Variants in PRKD1 observed in about 807,000 individuals in gnomAD.
PRKD1 encodes the protein serine/threonine-protein kinase D1.
Under a neutral mutation model 95.9 loss-of-function variants are expected in PRKD1, and 63 were observed. That is an observed-to-expected ratio of 0.66 (90% CI 0.54 to 0.81). The LOEUF is 0.81. Ranked by LOEUF, PRKD1 falls within the 30% of genes least tolerant of loss-of-function variation. The probability of loss-of-function intolerance (pLI) is 0.00; values close to 1 mark genes in which losing one functional copy is unlikely to be tolerated. For synonymous variants in PRKD1, 425 were observed against 423.1 expected (o/e 1.00, Z -0.05); for missense variants, 1,048 against 1,165.3 (o/e 0.90, Z 1.47).
At chr14:29,635,751 C>A (rs914728025) in intron 7 of PRKD1, among the ~76,000 whole-genome samples, 17 of 152,146 alleles carry the variant, frequency 1.1e-4, no homozygotes, top group Admixed American at 2.0e-4. Context: ...GGGCAGCAGT[C>A]CAATTTGCTC....
chr14:29,663,604 T>C, intron 4 of PRKD1, 95 bp downstream of exon 4: 1 of 1,402,472 alleles, frequency 7.1e-7, no homozygotes, highest in East Asian at 2.3e-5. Flanking sequence ...GGCTGCATTC[T>C]CCCTCCTAGC....
chr14:29,717,596 GCATAA>G (rs1280256495), intron 2 of PRKD1, among the ~76,000 whole-genome samples: 1 of 151,984 alleles, frequency 6.6e-6, no homozygotes, highest in South Asian at 2.1e-4. Flanking sequence ...TTGGAACAGT[GCATAA>G]CATATCATAA....
chr14:29,816,130 G>A (rs566619929), intron 1 of PRKD1, among the ~76,000 whole-genome samples: 2 of 152,234 alleles, frequency 1.3e-5, no homozygotes, highest in South Asian at 2.1e-4. Context: ...AGGCAGAAGA[G>A]TCACTTGAAC....
chr14:29,877,863 A>T (rs966876119), intron 1 of PRKD1, among the ~76,000 whole-genome samples: 1 of 152,238 alleles, frequency 6.6e-6, no homozygotes, highest in Non-Finnish European at 1.5e-5. Context: ...TGTTCACTGC[A>T]GCACTATACA....
chr14:29,723,714 C>T (rs557853840), intron 2 of PRKD1, among the ~76,000 whole-genome samples: 47 of 151,128 alleles, frequency 3.1e-4, no homozygotes, highest in Non-Finnish European at 5.7e-4. Flanking sequence ...ACTAACTGAA[C>T]AATTTAAAGG....
chr14:29,809,210 G>A lies in PRKD1; in HGVS notation c.265-83536C>T, dbSNP rs184244128. On this transcript the variant is annotated intron_variant, in intron 1 of 17. Coordinates refer to ENST00000331968, the MANE Select transcript of PRKD1 (RefSeq NM_002742.3). ...AAACCATGCTGCAAACAGATGTGCT[G>A]TCACACAGGTTTTATTCCATTTATG... Among the ~76,000 whole-genome samples the A allele has an allele frequency of 3.0e-3, 450 of 152,346 alleles. 2 individuals are homozygous for A. Among genetic ancestry groups the A allele is most frequent in the African/African-American group, 0.01 (418 of 41,590 alleles).
intron 4 of PRKD1, among the ~76,000 whole-genome samples, chr14:29,653,143 A>G (rs1881615279): frequency 1.3e-5 from 2 of 152,208 alleles, no homozygotes; most frequent in Admixed American, 1.3e-4. Flanking sequence ...ATAGCAGTTT[A>G]TGGCCAATTG....
At position 29,634,658 on chromosome 14, in the gene PRKD1, T is replaced by C. The variant is rs1594381578; in HGVS notation, c.1191-117A>G. On this transcript the variant is annotated intron_variant, in intron 7 of 17. Transcript: ENST00000331968. ...GAAACTTTACAAAATTCACATCTCA[T>C]GTTTAGTAAAACGTATTGTCAGGCA... is the stretch of plus-strand genomic sequence containing the variant. 8.1e-6 allele frequency: 11 copies of C among 1,357,182 alleles called. No individual in the cohort carries two copies. In the South Asian group the frequency reaches 1.4e-4, roughly 17 times the overall value. 84.1% of individuals were successfully genotyped at this position (1,357,182 alleles called of 1,614,324 possible).
intron 1 of PRKD1, among the ~76,000 whole-genome samples, chr14:29,907,596 T>C (rs1286377282): frequency 6.6e-6 from 1 of 152,220 alleles, no homozygotes; most frequent in East Asian, 1.9e-4. Flanking sequence ...TGAAACTTTT[T>C]GTATAAACCA....
intron 2 of PRKD1, among the ~76,000 whole-genome samples, chr14:29,671,150 T>A (rs1021511118): frequency 2.0e-5 from 3 of 151,858 alleles, no homozygotes; most frequent in African/African-American, 7.3e-5. Context: ...AAGTTTGTGG[T>A]TAGAGATTAA....
At chr14:29,927,076 C>G (rs1045861419) in intron 1 of PRKD1, among the ~76,000 whole-genome samples, 173 bp downstream of exon 1, 2 of 151,960 alleles carry the variant, frequency 1.3e-5, no homozygotes, top group Admixed American at 6.5e-5. Flanking sequence ...GCGAGCGCAG[C>G]GCCTCGGGTT....
At chr14:29,895,764 G>A (rs563409329) in intron 1 of PRKD1, among the ~76,000 whole-genome samples, 8 of 152,122 alleles carry the variant, frequency 5.3e-5, no homozygotes, top group Middle Eastern at 3.4e-3. Context: ...ATGTCCACAC[G>A]GCTGCTCCTT....
intron 1 of PRKD1, among the ~76,000 whole-genome samples, chr14:29,874,091 A>G (rs1269773417): frequency 6.6e-6 from 1 of 152,198 alleles, no homozygotes; most frequent in African/African-American, 2.4e-5. Context: ...GGTTGTATAC[A>G]CAGTAAAAGA....
At chr14:29,916,789 T>C (rs907811587) in intron 1 of PRKD1, among the ~76,000 whole-genome samples, 1 of 152,122 alleles carries the variant, frequency 6.6e-6, no homozygotes, top group East Asian at 1.9e-4. Flanking sequence ...GGCTAAGAAA[T>C]AGTATCAAGT....
At chr14:29,730,137 C>T (rs1886360404) in intron 1 of PRKD1, among the ~76,000 whole-genome samples, 3 of 151,822 alleles carry the variant, frequency 2.0e-5, no homozygotes, top group Non-Finnish European at 4.4e-5. Flanking sequence ...ACAAATAATC[C>T]AATTAAGAAA....
At chr14:29,647,296 T>C (rs1324543069) in intron 4 of PRKD1, among the ~76,000 whole-genome samples, 1 of 152,184 alleles carries the variant, frequency 6.6e-6, no homozygotes, top group Non-Finnish European at 1.5e-5. Flanking sequence ...TATTTTCAAG[T>C]AAACCAAAAT....
chr14:29,760,606 G>A (rs1887934708), intron 1 of PRKD1, among the ~76,000 whole-genome samples: 1 of 148,686 alleles, frequency 6.7e-6, no homozygotes, highest in African/African-American at 2.6e-5. Context: ...GCCTGCCTCG[G>A]CCTCCCAAAG....
intron 1 of PRKD1, among the ~76,000 whole-genome samples, chr14:29,818,428 C>G (rs1890776995): frequency 6.6e-6 from 1 of 152,114 alleles, no homozygotes; most frequent in Non-Finnish European, 1.5e-5. Flanking sequence ...TTAATACCTT[C>G]AGGTTTTCAT....
chr14:29,587,655 T>TTGCTA, intron 16 of PRKD1, among the ~76,000 whole-genome samples: 1 of 152,340 alleles, frequency 6.6e-6, no homozygotes, highest in East Asian at 1.9e-4. Context: ...AAATAAATGA[T>TTGCTA]TCTTTTCCTA....
Sources: gnomAD v4.1 joint callset for allele counts (sites outside exome capture counted in the v4.1 genomes callset) on GRCh38, gnomAD v4.1.1 for gene constraint, MANE v1.5 for transcripts, NCBI Gene and HGNC (gene_info 2026-07-23, HGNC 2026-07-21) for gene names.